Variants in DCAF1 observed in about 807,000 individuals in gnomAD.
The protein encoded by DCAF1 is DDB1- and CUL4-associated factor 1.
A neutral mutation model predicts 128.0 loss-of-function variants in DCAF1; 15 were observed. That is an observed-to-expected ratio of 0.12 (90% CI 0.08 to 0.18). The LOEUF (loss-of-function observed/expected upper bound fraction) is 0.18, where lower values mean the gene tolerates loss of function less well. Among genes scored for constraint, DCAF1 ranks in the 10% least tolerant of loss-of-function variants. The probability of loss-of-function intolerance (pLI) is 1.00; values close to 1 mark genes in which losing one functional copy is unlikely to be tolerated. For missense variants in DCAF1, 988 were observed against 1,649.5 expected (o/e 0.60, Z 6.95); for synonymous variants, 610 against 603.0 (o/e 1.01, Z -0.17).
At chr3:51,455,586 G>A (rs1702807941) in intron 6 of DCAF1, among the ~76,000 whole-genome samples, 1 of 151,772 alleles carries the variant, frequency 6.6e-6, no homozygotes, top group Non-Finnish European at 1.5e-5. Context: ...TCTAGCCTGG[G>A]CAACAGAGTA....
At chr3:51,498,444 T>G (rs1301678852) in intron 1 of DCAF1, among the ~76,000 whole-genome samples, 1 of 150,714 alleles carries the variant, frequency 6.6e-6, no homozygotes, top group African/African-American at 2.4e-5. Context: ...AGATCCTGTA[T>G]CTAAAAAAAC....
At chr3:51,493,460 A>C (rs782504001) in intron 2 of DCAF1, among the ~76,000 whole-genome samples, 13 of 152,012 alleles carry the variant, frequency 8.6e-5, no homozygotes, top group Non-Finnish European at 1.8e-4. Flanking sequence ...GAAAAAAAAA[A>C]GGAATTCAAA....
intron 24 of DCAF1, among the ~76,000 whole-genome samples, chr3:51,402,757 A>G (rs782174833): frequency 2.0e-5 from 3 of 151,982 alleles, no homozygotes; most frequent in Non-Finnish European, 4.4e-5. Context: ...TATTTTTAGT[A>G]GAGACAGGAT....
chr3:51,481,417 C>T (rs1415395813), intron 3 of DCAF1, among the ~76,000 whole-genome samples: 1 of 152,154 alleles, frequency 6.6e-6, no homozygotes, highest in South Asian at 2.1e-4. Flanking sequence ...GCAGGCCAGG[C>T]GCAATGGCTC....
intron 18 of DCAF1, among the ~76,000 whole-genome samples, chr3:51,416,524 G>T (rs1221480733): frequency 2.0e-5 from 3 of 152,144 alleles, no homozygotes; most frequent in Non-Finnish European, 2.9e-5. Context: ...AAAGGCAGGG[G>T]TTTCATTTCT....
chr3:51,441,751 G>A lies in DCAF1; in HGVS notation c.660C>T (p.Asp220=). 6.2e-7 allele frequency: 1 copy of A among 1,613,946 alleles called. No individual in the cohort carries two copies. The highest frequency in any genetic ancestry group is 8.5e-7 in the Non-Finnish European group (1 of 1,179,880). Residue 220 remains aspartate, a synonymous_variant, in exon 8 of 25, where the codon GAC becomes GAT. Transcript: ENST00000684031. Reference sequence around the variant, plus strand: ...CTCCATCCACTACATCTACAGCCATGTCACCATAGTCCATATCCACAGCCT... The same window carrying A: ...CTCCATCCACTACATCTACAGCCATATCACCATAGTCCATATCCACAGCCT... ...DEEAVDMDYG[D]MAVDVVDGDQ...
intron 10 of DCAF1, among the ~76,000 whole-genome samples, chr3:51,432,827 T>A (rs1700511191): frequency 1.3e-5 from 2 of 152,292 alleles, no homozygotes; most frequent in Admixed American, 1.3e-4. Flanking sequence ...AAGGCTAATC[T>A]TAATGCCACA....
chr3:51,493,109 C>A (rs1056562742), intron 2 of DCAF1, among the ~76,000 whole-genome samples: 12 of 151,476 alleles, frequency 7.9e-5, no homozygotes, highest in African/African-American at 2.9e-4. Flanking sequence ...TGTAGAATTA[C>A]TATACGACCC....
chr3:51,480,008 T>C (rs1361403267), intron 3 of DCAF1, among the ~76,000 whole-genome samples: 1 of 150,612 alleles, frequency 6.6e-6, no homozygotes, highest in East Asian at 2.0e-4. Flanking sequence ...AATGAAACCC[T>C]GTCTCCACCA....
At chr3:51,436,586 T>C (rs1230562155) in intron 9 of DCAF1, among the ~76,000 whole-genome samples, 1 of 152,228 alleles carries the variant, frequency 6.6e-6, no homozygotes, top group Non-Finnish European at 1.5e-5. Context: ...ATTTTTCTTC[T>C]TGTATCTTTC....
chr3:51,434,098 A>T (rs1368382338), intron 9 of DCAF1, among the ~76,000 whole-genome samples: 2 of 149,326 alleles, frequency 1.3e-5, no homozygotes, highest in South Asian at 2.1e-4. Flanking sequence ...AAAAAAAAAA[A>T]TTTACTATAA....
chr3:51,456,796 C>G (rs1305853287), intron 6 of DCAF1, among the ~76,000 whole-genome samples: 1 of 152,198 alleles, frequency 6.6e-6, no homozygotes, highest in Non-Finnish European at 1.5e-5. Flanking sequence ...GATACCCAGG[C>G]AAACAGGGTC....
intron 6 of DCAF1, among the ~76,000 whole-genome samples, chr3:51,457,608 T>C (rs1332081741): frequency 2.0e-5 from 3 of 152,058 alleles, no homozygotes; most frequent in African/African-American, 4.8e-5. Context: ...AGACACATAA[T>C]TGTCAGATTC....
At chr3:51,446,894 A>T (rs1196165899) in intron 6 of DCAF1, among the ~76,000 whole-genome samples, 1 of 150,588 alleles carries the variant, frequency 6.6e-6, no homozygotes, top group Non-Finnish European at 1.5e-5. Flanking sequence ...CGGAAGGTGG[A>T]GATTGCAGTG....
At chr3:51,485,900 T>A (rs868940578) in intron 2 of DCAF1, among the ~76,000 whole-genome samples, 3,798 of 151,556 alleles carry the variant, frequency 0.025, 140 homozygotes, top group African/African-American at 0.073. Flanking sequence ...TTTTTTTTTT[T>A]TTTTTTTTTT....
intron 10 of DCAF1, among the ~76,000 whole-genome samples, chr3:51,432,590 C>T (rs1700488267): frequency 1.3e-5 from 2 of 151,960 alleles, no homozygotes; most frequent in Admixed American, 1.3e-4. Flanking sequence ...TCCCAAGTAG[C>T]TGGGATTACA....
chr3:51,469,277 C>G (rs745894441), intron 4 of DCAF1, among the ~76,000 whole-genome samples: 13 of 129,028 alleles, frequency 1.0e-4, no homozygotes, highest in Non-Finnish European at 1.8e-4. Flanking sequence ...CTTGTCCAGG[C>G]TGGAGTTCAA....
chr3:51,437,523 G>A (rs183876168), intron 9 of DCAF1: 6 of 352,216 alleles, frequency 1.7e-5, no homozygotes, highest in Admixed American at 3.2e-5. Context: ...TTTATAAAAT[G>A]TATAACAGGG....
At chr3:51,459,237 C>A (rs1410599952) in intron 6 of DCAF1, among the ~76,000 whole-genome samples, 1 of 152,090 alleles carries the variant, frequency 6.6e-6, no homozygotes, top group African/African-American at 2.4e-5. Flanking sequence ...CACAACCGAT[C>A]CCACGGAAAT....
Sources: allele counts gnomAD v4.1 joint callset (sites outside exome capture counted in the v4.1 genomes callset), GRCh38; gene constraint gnomAD v4.1.1; transcripts MANE v1.5; gene names NCBI Gene and HGNC (gene_info 2026-07-23, HGNC 2026-07-21).